HCN1: variants seen among roughly 807,000 people sequenced by gnomAD.
The protein encoded by HCN1 is potassium/sodium hyperpolarization-activated cyclic nucleotide-gated channel 1.
In HCN1, 13 loss-of-function variants were observed where a neutral mutation model predicts 78.9. The ratio of observed to expected loss-of-function variants is 0.16; its 90% CI spans 0.11 to 0.26. The LOEUF (loss-of-function observed/expected upper bound fraction) is 0.26, where lower values mean the gene tolerates loss of function less well. HCN1 is among the 10% of genes least tolerant of loss of function. The pLI is 1.00. For synonymous variants in HCN1, 552 were observed against 455.5 expected, an observed-to-expected ratio of 1.21 and a Z score of -2.70; for missense variants, 810 against 1,154.3, an observed-to-expected ratio of 0.70 and a Z score of 4.32.
chr5:45,335,473 A>T (rs1046148462), intron 5 of HCN1, among the ~76,000 whole-genome samples: 1 of 152,124 alleles, frequency 6.6e-6, no homozygotes, highest in African/African-American at 2.4e-5. Flanking sequence ...TGATAAAATG[A>T]AGGGAAAGCT....
At chr5:45,449,316 C>T (rs552724972) in intron 3 of HCN1, among the ~76,000 whole-genome samples, 9 of 152,288 alleles carry the variant, frequency 5.9e-5, no homozygotes, top group African/African-American at 1.9e-4. Context: ...ATGCTAACCA[C>T]TTCACAATAC....
intron 2 of HCN1, among the ~76,000 whole-genome samples, chr5:45,636,490 T>C (rs1671141348): frequency 6.6e-6 from 1 of 152,186 alleles, no homozygotes. Flanking sequence ...ATGTGCTTTG[T>C]CCTAAATTAG....
chr5:45,634,180 G>C (rs1745318903), intron 2 of HCN1, among the ~76,000 whole-genome samples: 1 of 151,708 alleles, frequency 6.6e-6, no homozygotes, highest in African/African-American at 2.4e-5. Context: ...TGAACCTTCT[G>C]CTCATACAAA....
intron 2 of HCN1, among the ~76,000 whole-genome samples, chr5:45,607,937 C>T (rs955661919): frequency 6.6e-6 from 1 of 151,694 alleles, no homozygotes; most frequent in Non-Finnish European, 1.5e-5. Context: ...AAACAAAACT[C>T]TAATTAGCCA....
intron 2 of HCN1, among the ~76,000 whole-genome samples, chr5:45,549,307 C>T (rs1375226859): frequency 6.6e-6 from 1 of 152,000 alleles, no homozygotes. Flanking sequence ...AGATATAGAC[C>T]AATGGAACAT....
intron 5 of HCN1, among the ~76,000 whole-genome samples, chr5:45,338,274 T>C (rs1228452000): frequency 1.3e-5 from 2 of 152,168 alleles, no homozygotes; most frequent in Non-Finnish European, 2.9e-5. Context: ...TCCTCACTTT[T>C]ATAAGTTTCT....
chr5:45,396,044 A>G (rs1455103278), intron 4 of HCN1, among the ~76,000 whole-genome samples: 1 of 152,178 alleles, frequency 6.6e-6, no homozygotes, highest in Non-Finnish European at 1.5e-5. Flanking sequence ...TCAGCTAAGC[A>G]TATGGATTGT....
chr5:45,483,498 T>C (rs1411594356), intron 2 of HCN1, among the ~76,000 whole-genome samples: 1 of 152,212 alleles, frequency 6.6e-6, no homozygotes, highest in African/African-American at 2.4e-5. Flanking sequence ...TTTGTTTAAG[T>C]TCCCTGTAGA....
At chr5:45,492,344 CAAAT>C (rs1741901775) in intron 2 of HCN1, among the ~76,000 whole-genome samples, 1 of 143,548 alleles carries the variant, frequency 7.0e-6, no homozygotes, top group African/African-American at 2.6e-5. Flanking sequence ...ATAGGTGTGA[CAAAT>C]AAGCTAAATC....
intron 2 of HCN1, among the ~76,000 whole-genome samples, chr5:45,474,831 G>A (rs926725239): frequency 3.3e-5 from 5 of 151,780 alleles, no homozygotes; most frequent in African/African-American, 9.7e-5. Context: ...GGTATCTCAA[G>A]GACTTTTAGC....
intron 3 of HCN1, among the ~76,000 whole-genome samples, chr5:45,408,316 C>G (rs1308483442): frequency 6.6e-6 from 1 of 152,124 alleles, no homozygotes; most frequent in Non-Finnish European, 1.5e-5. Flanking sequence ...CATGCAAGCT[C>G]TATTCACGAT....
At chr5:45,310,348 G>A (rs1450881876) in intron 5 of HCN1, among the ~76,000 whole-genome samples, 2 of 151,812 alleles carry the variant, frequency 1.3e-5, no homozygotes, top group Admixed American at 6.6e-5. Flanking sequence ...TTAAAAAGTG[G>A]GCAAAGGACA....
At chr5:45,387,336 G>T (rs553670581) in intron 4 of HCN1, among the ~76,000 whole-genome samples, 5 of 151,862 alleles carry the variant, frequency 3.3e-5, no homozygotes, top group Non-Finnish European at 4.4e-5. Flanking sequence ...ATATAATTAT[G>T]TTTTATACAA....
In HCN1 at chr5:45,695,722, C is replaced by T; in HGVS notation, c.372G>A (p.Gln124=). Reference sequence around the variant, plus strand: ...AGAAGCCTGCAGTTTTAACCCTTTCCTGCTCCTTTTCCACCGCCTTCTGGC... The same window carrying T: ...AGAAGCCTGCAGTTTTAACCCTTTCTTGCTCCTTTTCCACCGCCTTCTGGC... The part of the protein sequence containing the change: ...FGSQKAVEKE[Q]ERVKTAGFWI... Residue 124 remains glutamine (Q), a synonymous_variant, in exon 1 of 8, where the codon CAG becomes CAA. Transcript: ENST00000303230. 6.2e-7 allele frequency: 1 copy of T among 1,612,606 alleles called. No homozygotes were observed. Among genetic ancestry groups the T allele is most frequent in the Non-Finnish European group, 8.5e-7 (1 of 1,179,720 alleles).
chr5:45,587,812 C>T (rs1474115792), intron 2 of HCN1, among the ~76,000 whole-genome samples: 1 of 151,766 alleles, frequency 6.6e-6, no homozygotes, highest in African/African-American at 2.4e-5. Context: ...AAATTTAATC[C>T]CCAGTGAAAC....
chr5:45,303,664 C>A lies in HCN1; in HGVS notation c.1553G>T (p.Gly518Val). ...VGKKMYFIQHGVAGVITKSSK... is the reference protein window; with the variant it reads ...VGKKMYFIQHVVAGVITKSSK... ...GGATTTTGTAATGACACCAGCAACA[C>A]CGTGTTGAATGAAATACATTTTTTT... The change falls in exon 6 of 8, where the codon GGT (glycine) becomes GTT (valine). Residue 518 changes from glycine to valine, a missense_variant. Transcript: ENST00000303230. 6.2e-7 allele frequency: 1 copy of A among 1,613,340 alleles called. No homozygotes were observed. The highest frequency in any genetic ancestry group is 8.5e-7 in the Non-Finnish European group (1 of 1,179,544).
intron 2 of HCN1, among the ~76,000 whole-genome samples, chr5:45,589,181 G>A (rs1456516380): frequency 6.6e-6 from 1 of 152,190 alleles, no homozygotes; most frequent in Non-Finnish European, 1.5e-5. Flanking sequence ...ATCAGCCTCA[G>A]AAGCTGTTTT....
At position 45,604,162 on chromosome 5, in the gene HCN1, A is replaced by G. The variant is rs1027324976; in HGVS notation, c.849+41023T>C. Among the ~76,000 whole-genome samples the G allele has an allele frequency of 9.2e-5, 14 of 152,226 alleles. 1 individual carries two copies. The highest frequency in any genetic ancestry group is 3.9e-4 in the Admixed American group (6 of 15,238). Reference sequence around the variant, plus strand: ...GACAAGTAGAAATAACCCAGCTGCCAATAATTTTCTAAGTGGTCAGACCAA... The same window carrying G: ...GACAAGTAGAAATAACCCAGCTGCCGATAATTTTCTAAGTGGTCAGACCAA... On this transcript the variant is annotated intron_variant, in intron 2 of 7. Transcript: ENST00000303230.
At chr5:45,415,312 A>G (rs1218938078) in intron 3 of HCN1, among the ~76,000 whole-genome samples, 1 of 151,998 alleles carries the variant, frequency 6.6e-6, no homozygotes, top group Non-Finnish European at 1.5e-5. Context: ...CAAAGCATCT[A>G]GTTACACGTC....
Sources: allele counts gnomAD v4.1 joint callset (sites outside exome capture counted in the v4.1 genomes callset), GRCh38; gene constraint gnomAD v4.1.1; transcripts MANE v1.5; gene names NCBI Gene and HGNC (gene_info 2026-07-23, HGNC 2026-07-21).